The following ZSWIM4 variants were observed in gnomAD, a reference collection of about 807,000 sequenced individuals.
The protein encoded by ZSWIM4 is zinc finger SWIM-type containing 4, also known as zinc finger SWIM domain-containing protein 4.
A neutral mutation model predicts 102.5 loss-of-function variants in ZSWIM4; 62 were observed. The observed-to-expected ratio is 0.60, with a 90% CI of 0.49 to 0.75. The LOEUF is 0.75. Among genes scored for constraint, ZSWIM4 ranks in the 30% least tolerant of loss-of-function variants. The probability of loss-of-function intolerance (pLI) is 0.00; values close to 1 mark genes in which losing one functional copy is unlikely to be tolerated. For missense variants in ZSWIM4, 1,280 were observed against 1,529.6 expected (o/e 0.84, Z 2.72); for synonymous variants, 652 against 674.5 (o/e 0.97, Z 0.52).
intron 3 of ZSWIM4, among the ~76,000 whole-genome samples, chr19:13,807,543 A>T (rs986327825): frequency 1.3e-5 from 2 of 151,468 alleles, no homozygotes; most frequent in African/African-American, 2.4e-5. Context: ...GAACAAATGG[A>T]TGAATGAGCT....
rs1486870177 is a variant in ZSWIM4 at position 13,814,716 on chromosome 19, G to C, written c.1382G>C (p.Gly461Ala). 7.8e-7 allele frequency: 1 copy of C among 1,288,442 alleles called. No individual in the cohort carries two copies. The highest frequency in any genetic ancestry group is 1.0e-6 in the Non-Finnish European group (1 of 987,826). The allele number at this position is 1,288,442 out of a possible 1,614,324, so 79.8% of individuals were successfully genotyped here. A position where few individuals can be genotyped will look rare whatever the true frequency, so the allele number is the denominator to read the frequency against. The change falls in exon 7 of 14, where the codon GGA becomes GCA. Residue 461 changes from glycine (G) to alanine (A), a missense_variant. By Grantham distance (60) the Gly-to-Ala change is moderately conservative. Coordinates refer to ENST00000590508, the MANE Select transcript of ZSWIM4 (RefSeq NM_001367834.3). ...FDPQGRPLWL[G>A]EPFPTACARV... is the part of the protein sequence containing the mutation. ...CCCCAGGGCCGCCCACTGTGGCTGGGAGAACCTTTCCCCACTGCCTGTGCC... is the reference window on the plus strand; with the variant it reads ...CCCCAGGGCCGCCCACTGTGGCTGGCAGAACCTTTCCCCACTGCCTGTGCC...
intron 9 of ZSWIM4, among the ~76,000 whole-genome samples, chr19:13,819,054 C>T (rs1046990352): frequency 8.0e-5 from 12 of 150,372 alleles, no homozygotes; most frequent in African/African-American, 2.4e-4. Context: ...TTAGTAGAGA[C>T]GGGGTTTCAC....
intron 12 of ZSWIM4, among the ~76,000 whole-genome samples, chr19:13,828,226 T>C (rs976986040): frequency 8.6e-5 from 13 of 151,930 alleles, no homozygotes; most frequent in African/African-American, 2.7e-4. Context: ...CTGGCCAACA[T>C]AGTGAAACCC....
intron 2 of ZSWIM4, among the ~76,000 whole-genome samples, chr19:13,803,719 C>T (rs1157997539): frequency 2.9e-5 from 4 of 138,706 alleles, no homozygotes; most frequent in African/African-American, 5.6e-5. Context: ...GTAGGAGAAT[C>T]GCTTGAACCC....
Position 13,804,774 on chromosome 19 carries a change from G to A in ZSWIM4, c.356-18G>A. 6.4e-7 allele frequency: 1 copy of A among 1,556,288 alleles called. No homozygotes were observed. The highest frequency in any genetic ancestry group is 8.7e-7 in the Non-Finnish European group (1 of 1,148,838). ...TCTCTGGGATGACACGGATGCGACA[G>A]TTTGGCTTTGATCCTAGGATTCCAC... is the stretch of plus-strand genomic sequence containing the variant. On this transcript the variant is annotated intron_variant, in intron 2 of 13. Coordinates refer to ENST00000590508, the MANE Select transcript of ZSWIM4 (RefSeq NM_001367834.3).
At chr19:13,813,259 G>A (rs1568335453) in intron 6 of ZSWIM4, 95 bp downstream of exon 6, 16 of 1,091,164 alleles carry the variant, frequency 1.5e-5, no homozygotes, top group Non-Finnish European at 1.7e-5. Context: ...GGAGAGAGAG[G>A]GAGTGGGGCA....
At position 13,825,521 on chromosome 19, in the gene ZSWIM4, T is replaced by A; in HGVS notation, c.2216-29T>A. The A allele has an allele frequency of 6.2e-7, 1 of 1,607,438 alleles. No homozygotes were observed. The highest frequency in any genetic ancestry group is 8.5e-7 in the Non-Finnish European group (1 of 1,175,202). Reference sequence around the variant, plus strand: ...GAGGCTGGTGCTGAGGTGTATCCGATGGTGTCCTCTGTCCCGCCCTTCACC... The same window carrying A: ...GAGGCTGGTGCTGAGGTGTATCCGAAGGTGTCCTCTGTCCCGCCCTTCACC... On this transcript the variant is annotated intron_variant, in intron 11 of 13. Transcript: ENST00000590508. The surrounding 1 kb of genome is among the most constrained non-coding windows in gnomAD (Gnocchi z 4.6).
At chr19:13,824,601 C>T (rs112214413) in intron 11 of ZSWIM4, among the ~76,000 whole-genome samples, 8 of 151,314 alleles carry the variant, frequency 5.3e-5, no homozygotes, top group Non-Finnish European at 2.9e-5. Context: ...GCGTGGTGAC[C>T]GGCACCTGTA....
chr19:13,814,631 A>G lies in ZSWIM4; in HGVS notation c.1297A>G (p.Ser433Gly). 2 of 1,257,634 alleles carry G rather than the reference A, an allele frequency of 1.6e-6. No homozygotes were observed. The highest frequency in any genetic ancestry group is 2.1e-6 in the Non-Finnish European group (2 of 966,642). The allele number at this position is 1,257,634 out of a possible 1,614,324, so 77.9% of individuals were successfully genotyped here. The change falls in exon 7 of 14, where the codon AGT becomes GGT. Residue 433 changes from serine to glycine, a missense_variant. Transcript: ENST00000590508. ...CGCCTACCTGCAGAGGATCCTGGCC[A>G]GTGACTCCTACGGGCCCAGCCTCAC... ...NDAYLQRILA[S>G]DSYGPSLTGS...
intron 9 of ZSWIM4, among the ~76,000 whole-genome samples, 179 bp from the exon 10 acceptor site, chr19:13,819,178 G>A (rs1368569547): frequency 6.6e-6 from 1 of 152,096 alleles, no homozygotes; most frequent in Non-Finnish European, 1.5e-5. Context: ...CTTTTATTTG[G>A]ATTACCCAGA....
In ZSWIM4 at chr19:13,800,740, C is replaced by G. The variant is rs554235509; in HGVS notation, c.355+819C>G. Among the ~76,000 whole-genome samples, 7 of 152,276 alleles carry G rather than the reference C, an allele frequency of 4.6e-5. No homozygotes were observed. The South Asian group carries it at 1.4e-3, about 32-fold the overall frequency. ...ATGTTTTGAGCAAAAGCTCAAGGAT[C>G]ACCCTAGAACCCAGGCAGCAGGGTT... is the stretch of plus-strand genomic sequence containing the variant. On this transcript the variant is annotated intron_variant, in intron 2 of 13. Transcript: ENST00000590508.
chr19:13,809,229 C>A lies in ZSWIM4; in HGVS notation c.1012+9C>A. On this transcript the variant is annotated intron_variant, in intron 5 of 13. Coordinates refer to ENST00000590508, the MANE Select transcript of ZSWIM4 (RefSeq NM_001367834.3). This position sits in a 1 kb window ranked among gnomAD's most constrained non-coding sequence, Gnocchi z 4.2. ...GCTCTGGGATGAGCTGGGTGAGGCC[C>A]AAACCCCGGTGCGTGGTGGACACCG... 1 of 1,593,522 alleles carries A rather than the reference C, an allele frequency of 6.3e-7. No homozygotes were observed. Among genetic ancestry groups the A allele is most frequent in the South Asian group, 1.1e-5 (1 of 90,312 alleles).
chr19:13,823,788 T>C (rs1321105636), intron 11 of ZSWIM4, among the ~76,000 whole-genome samples: 1 of 152,146 alleles, frequency 6.6e-6, no homozygotes, highest in East Asian at 1.9e-4. Flanking sequence ...CAGTTGAACA[T>C]TTAAGCAGAG....
At chr19:13,796,834 G>C (rs1974624949) in intron 1 of ZSWIM4, 1 of 152,364 alleles carries the variant, frequency 6.6e-6, no homozygotes, top group Non-Finnish European at 1.5e-5. Context: ...CCTCTGTCCA[G>C]CTTCAGGGGG....
At chr19:13,807,737 G>A (rs1381966824) in intron 3 of ZSWIM4, among the ~76,000 whole-genome samples, 1 of 146,580 alleles carries the variant, frequency 6.8e-6, no homozygotes, top group African/African-American at 2.6e-5. Context: ...ATGGACAGAT[G>A]GATGCATGGA....
intron 9 of ZSWIM4, among the ~76,000 whole-genome samples, 196 bp from the exon 10 acceptor site, chr19:13,819,161 G>A (rs938663666): frequency 1.3e-5 from 2 of 152,162 alleles, no homozygotes; most frequent in African/African-American, 4.8e-5. Flanking sequence ...ACCGCGCCAG[G>A]CCTCCTCTTT....
rs372390917 is a variant in ZSWIM4, at chr19:13,804,578, C to T, written c.356-214C>T. On this transcript the variant is annotated intron_variant, in intron 2 of 13. Coordinates refer to ENST00000590508, the MANE Select transcript of ZSWIM4 (RefSeq NM_001367834.3). ...AGGAGAATCGCTTGAACCTGGGAGG[C>T]GGAGGTTGCAGTGAGCCCAGGTCGC... 4.0e-5 allele frequency among the ~76,000 whole-genome samples: 6 copies of T among 151,270 alleles called. No homozygotes were observed. In the South Asian group the frequency reaches 6.3e-4, roughly 16 times the overall value.
In ZSWIM4 at chr19:13,805,174, G is replaced by A. The variant is rs774789938; in HGVS notation, c.712+26G>A. 10 of 1,570,130 alleles carry A rather than the reference G, an allele frequency of 6.4e-6. No individual in the cohort carries two copies. The East Asian group carries it at 1.8e-4, about 28-fold the overall frequency. Reference sequence around the variant, plus strand: ...GTAAGGGCACCCCGGGGGTCCGGTGGGGAGAGGATGCCCAAGCGCACAGCC... The same window carrying A: ...GTAAGGGCACCCCGGGGGTCCGGTGAGGAGAGGATGCCCAAGCGCACAGCC... On this transcript the variant is annotated intron_variant, in intron 3 of 13. Coordinates refer to ENST00000590508, the MANE Select transcript of ZSWIM4 (RefSeq NM_001367834.3).
At chr19:13,796,061 T>A (rs1974603663) in intron 1 of ZSWIM4, among the ~76,000 whole-genome samples, 1 of 149,476 alleles carries the variant, frequency 6.7e-6, no homozygotes, top group Non-Finnish European at 1.5e-5. Context: ...TCAGGACACT[T>A]CCTTCTTCTC....
Sources: allele counts gnomAD v4.1 joint callset (sites outside exome capture counted in the v4.1 genomes callset), GRCh38; gene constraint gnomAD v4.1.1; non-coding constraint Gnocchi (gnomAD v3.1); transcripts MANE v1.5; gene names NCBI Gene and HGNC (gene_info 2026-07-23, HGNC 2026-07-21).